Variants in FAT3 observed in about 807,000 individuals in gnomAD.
FAT3 encodes FAT atypical cadherin 3, also known as protocadherin Fat 3.
In FAT3, 95 loss-of-function variants were observed where a neutral mutation model predicts 310.2. The ratio of observed to expected loss-of-function variants is 0.31; its 90% CI spans 0.26 to 0.36. FAT3 has a LOEUF of 0.36. Ranked by LOEUF, FAT3 falls within the 10% of genes least tolerant of loss-of-function variation. The pLI is 1.00. For missense variants in FAT3, 5,408 were observed against 5,715.6 expected (o/e 0.95, Z 1.74); for synonymous variants, 2,314 against 2,192.9 (o/e 1.06, Z -1.54).
intron 7 of FAT3, among the ~76,000 whole-genome samples, chr11:92,783,721 A>T (rs1946817142): frequency 1.3e-5 from 2 of 152,074 alleles, no homozygotes; most frequent in African/African-American, 4.8e-5. Context: ...TGAGTCTGAA[A>T]CTGCAGTGAG....
chr11:92,287,780 TGAG>T (rs1946595052), intron 1 of FAT3, among the ~76,000 whole-genome samples: 1 of 152,154 alleles, frequency 6.6e-6, no homozygotes, highest in Non-Finnish European at 1.5e-5. Flanking sequence ...GCTAGTTCCA[TGAG>T]AGAGCCAGTC....
At chr11:92,651,019 A>G (rs897208896) in intron 3 of FAT3, among the ~76,000 whole-genome samples, 5 of 152,084 alleles carry the variant, frequency 3.3e-5, no homozygotes, top group African/African-American at 9.7e-5. Flanking sequence ...TTCAGTATAA[A>G]CCAACTCAGT....
At chr11:92,304,731 T>A (rs1947078231) in intron 1 of FAT3, among the ~76,000 whole-genome samples, 3 of 152,130 alleles carry the variant, frequency 2.0e-5, no homozygotes, top group Admixed American at 1.3e-4. Flanking sequence ...TGCATTGACC[T>A]GGAGGAGGTG....
chr11:92,482,722 C>G (rs1044522605), intron 2 of FAT3, among the ~76,000 whole-genome samples: 3 of 152,198 alleles, frequency 2.0e-5, no homozygotes, highest in African/African-American at 4.8e-5. Flanking sequence ...TGCCTAGAGT[C>G]AGGCCTGAGC....
intron 3 of FAT3, among the ~76,000 whole-genome samples, chr11:92,529,529 GT>G (rs924776055): frequency 2.6e-5 from 4 of 151,666 alleles, no homozygotes; most frequent in South Asian, 2.1e-4. Context: ...AAAGGGCCTT[GT>G]TTTTTTTGTT....
Position 92,809,984 on chromosome 11 carries a change from T to G in FAT3, c.9389T>G (p.Val3130Gly). ...GAGGATGTGAATGATAACCCCCCTG[T>G]GTTTTCTTCTGACCACTACAACACC... ...ILEDVNDNPP[V>G]FSSDHYNTCV... The change falls in exon 13 of 28, where the codon GTG becomes GGG. Residue 3130 changes from valine to glycine, a missense_variant. Transcript: ENST00000525166. 6.2e-7 allele frequency: 1 copy of G among 1,613,936 alleles called. No individual in the cohort carries two copies. Among genetic ancestry groups the G allele is most frequent in the Non-Finnish European group, 8.5e-7 (1 of 1,179,842 alleles).
At position 92,526,322 on chromosome 11, in the gene FAT3, G is replaced by A. The variant is rs1053217477; in HGVS notation, c.3607+1374G>A. ...CTTTGCAAATTTAAGAGTGAGGGTT[G>A]TGGTGGAGGGAGAGAGAGAACAAAA... On this transcript the variant is annotated intron_variant, in intron 3 of 27. Transcript: ENST00000525166. Among the ~76,000 whole-genome samples, 4 of 152,270 alleles carry A rather than the reference G, an allele frequency of 2.6e-5. No individual in the cohort carries two copies. The South Asian group carries it at 6.2e-4, about 24-fold the overall frequency.
intron 1 of FAT3, among the ~76,000 whole-genome samples, chr11:92,257,375 G>C (rs569938410): frequency 6.6e-6 from 1 of 152,046 alleles, no homozygotes; most frequent in East Asian, 1.9e-4. Flanking sequence ...AAGTAGCTGT[G>C]GGGGAGATGA....
At chr11:92,281,165 C>A (rs1243644390) in intron 1 of FAT3, among the ~76,000 whole-genome samples, 2 of 151,846 alleles carry the variant, frequency 1.3e-5, no homozygotes, top group Non-Finnish European at 2.9e-5. Context: ...TATTAAATGA[C>A]AAGAGTATGA....
chr11:92,762,272 G>T, intron 5 of FAT3, 102 bp downstream of exon 5: 4 of 1,213,866 alleles, frequency 3.3e-6, no homozygotes, highest in Non-Finnish European at 4.6e-6. Flanking sequence ...AGTAAAAAGT[G>T]AAGCCACACA....
intron 3 of FAT3, among the ~76,000 whole-genome samples, chr11:92,667,273 T>C (rs1024575625): frequency 3.3e-5 from 5 of 152,132 alleles, no homozygotes; most frequent in Non-Finnish European, 5.9e-5. Flanking sequence ...GCAGCATCCG[T>C]TTTGTTCAAA....
intron 1 of FAT3, among the ~76,000 whole-genome samples, chr11:92,298,401 A>G (rs1451067643): frequency 2.0e-5 from 3 of 152,092 alleles, no homozygotes; most frequent in African/African-American, 7.2e-5. Context: ...TTTGGAGAGC[A>G]ATTGTTTCTT....
At chr11:92,785,690 A>G (rs760788944) in intron 7 of FAT3, among the ~76,000 whole-genome samples, 4 of 152,180 alleles carry the variant, frequency 2.6e-5, no homozygotes, top group Non-Finnish European at 5.9e-5. Flanking sequence ...CAGAAAAGTA[A>G]AACAGTAGAT....
intron 4 of FAT3, among the ~76,000 whole-genome samples, chr11:92,758,818 A>C (rs1946069731): frequency 6.6e-6 from 1 of 152,144 alleles, no homozygotes; most frequent in Non-Finnish European, 1.5e-5. Flanking sequence ...GTTGGTCCCC[A>C]AGTTCAATTG....
intron 3 of FAT3, among the ~76,000 whole-genome samples, chr11:92,641,034 A>G (rs1047814742): frequency 1.3e-5 from 2 of 152,160 alleles, no homozygotes; most frequent in African/African-American, 4.8e-5. Context: ...CTGTCTCAAC[A>G]AAACATACAG....
intron 1 of FAT3, among the ~76,000 whole-genome samples, chr11:92,333,940 T>A (rs1307444811): frequency 9.9e-5 from 15 of 152,100 alleles, no homozygotes; most frequent in Admixed American, 9.8e-4. Context: ...CATTTTCTCC[T>A]CAGTTTAAAT....
intron 2 of FAT3, among the ~76,000 whole-genome samples, chr11:92,520,729 T>C (rs1256823862): frequency 1.3e-5 from 2 of 152,132 alleles, no homozygotes; most frequent in African/African-American, 2.4e-5. Context: ...TATTGAGTCT[T>C]GGATGAAACT....
chr11:92,462,982 CT>C lies in FAT3; in HGVS notation c.3293-61651del, dbSNP rs373905310. ...TTCTGCAAACACACATTAGTGTCTG[CT>C]GCATGTGACTTGGCAATTGTGCAAA... is the stretch of plus-strand genomic sequence containing the variant. On this transcript the variant is annotated intron_variant, in intron 2 of 27. Transcript: ENST00000525166. Among the ~76,000 whole-genome samples, 334 of 152,288 alleles carry C rather than the reference CT, an allele frequency of 2.2e-3. 3 individuals are homozygous for C. Among genetic ancestry groups the C allele is most frequent in the African/African-American group, 7.4e-3 (309 of 41,566 alleles).
intron 2 of FAT3, among the ~76,000 whole-genome samples, chr11:92,507,467 A>G (rs961309613): frequency 1.3e-5 from 2 of 152,018 alleles, no homozygotes; most frequent in African/African-American, 2.4e-5. Context: ...ATATGTATAT[A>G]TATGTGTGGG....
Sources: allele counts gnomAD v4.1 joint callset (sites outside exome capture counted in the v4.1 genomes callset), GRCh38; gene constraint gnomAD v4.1.1; transcripts MANE v1.5; gene names NCBI Gene and HGNC (gene_info 2026-07-23, HGNC 2026-07-21).